Variants in BCL2L1 observed in about 807,000 individuals in gnomAD.
The protein encoded by BCL2L1 is bcl-2-like protein 1.
A neutral mutation model predicts 18.7 loss-of-function variants in BCL2L1; 1 was observed. The observed-to-expected ratio is 0.05, with a 90% confidence interval of 0.02 to 0.25. BCL2L1 has a LOEUF of 0.25. Among genes scored for constraint, BCL2L1 ranks in the 10% least tolerant of loss-of-function variants. BCL2L1 has a pLI of 1.00. For synonymous variants in BCL2L1, 103 were observed against 122.7 expected (o/e 0.84, Z 1.06); for missense variants, 207 against 304.9 (o/e 0.68, Z 2.39).
intron 2 of BCL2L1, among the ~76,000 whole-genome samples, chr20:31,674,747 C>G (rs914404116): frequency 1.3e-5 from 2 of 151,810 alleles, no homozygotes; most frequent in African/African-American, 4.8e-5. Flanking sequence ...TGTTGGCATG[C>G]ACCTATAGTC....
chr20:31,702,133 C>A (rs76192256), intron 2 of BCL2L1, among the ~76,000 whole-genome samples: 1 of 152,156 alleles, frequency 6.6e-6, no homozygotes, highest in African/African-American at 2.4e-5. Flanking sequence ...GCAAGCTGAA[C>A]CAAATGTAGG....
At position 31,708,149 on chromosome 20, in the gene BCL2L1, G is replaced by A. The variant is rs549328428; in HGVS notation, c.564+13506C>T. ...CTCAATCTATCCTTAGGGCAACAAG[G>A]GTCTGGCCCTCTTTGTTGACCCTCA... is the stretch of plus-strand genomic sequence containing the variant. On this transcript the variant is annotated intron_variant, in intron 2 of 2. Coordinates refer to ENST00000307677, the MANE Select transcript of BCL2L1 (RefSeq NM_138578.3). Among the ~76,000 whole-genome samples, 6 of 152,282 alleles carry A rather than the reference G, an allele frequency of 3.9e-5. No homozygotes were observed. The South Asian group carries it at 8.3e-4, about 21-fold the overall frequency.
At chr20:31,688,732 G>T (rs1324899702) in intron 2 of BCL2L1, among the ~76,000 whole-genome samples, 2 of 152,120 alleles carry the variant, frequency 1.3e-5, no homozygotes, top group Non-Finnish European at 2.9e-5. Flanking sequence ...TATTCATTGA[G>T]TGTCACTATT....
At chr20:31,689,045 T>C (rs953463073) in intron 2 of BCL2L1, among the ~76,000 whole-genome samples, 3 of 151,426 alleles carry the variant, frequency 2.0e-5, no homozygotes, top group Admixed American at 6.6e-5. Flanking sequence ...CTGGGTTAAG[T>C]CTGTCCAGGT....
At chr20:31,718,835 A>T (rs1218736909) in intron 2 of BCL2L1, among the ~76,000 whole-genome samples, 1 of 152,210 alleles carries the variant, frequency 6.6e-6, no homozygotes, top group Admixed American at 6.5e-5. Context: ...AAAGCCAGTT[A>T]TCAGTCCAGA....
chr20:31,670,618 T>G (rs1002920188), intron 2 of BCL2L1, among the ~76,000 whole-genome samples: 14 of 152,212 alleles, frequency 9.2e-5, no homozygotes, highest in African/African-American at 3.4e-4. Context: ...TCATTTCACC[T>G]GCCCCAGCTT....
intron 2 of BCL2L1, among the ~76,000 whole-genome samples, chr20:31,687,531 G>C (rs2060979792): frequency 6.6e-6 from 1 of 151,848 alleles, no homozygotes; most frequent in Admixed American, 6.6e-5. Context: ...AAAAAAAATA[G>C]CCGGGTGTGG....
At chr20:31,722,425 G>A (rs1479651462) in intron 1 of BCL2L1, 77 bp from the exon 2 acceptor site, 1 of 419,030 alleles carries the variant, frequency 2.4e-6, no homozygotes, top group Non-Finnish European at 4.2e-6. Flanking sequence ...ACCAGAACTG[G>A]TTTCTTTGTG....
intron 2 of BCL2L1, among the ~76,000 whole-genome samples, chr20:31,688,461 GAAAGAAAAGAA>G (rs1234604892): frequency 1.4e-5 from 2 of 140,058 alleles, no homozygotes; most frequent in African/African-American, 2.7e-5. Flanking sequence ...AAAAAAAAAA[GAAAGAAAAGAA>G]AAAGAAAAGA....
intron 2 of BCL2L1, among the ~76,000 whole-genome samples, chr20:31,714,166 T>C (rs2061492122): frequency 6.6e-6 from 1 of 152,186 alleles, no homozygotes; most frequent in South Asian, 2.1e-4. Context: ...ATGTGAAATA[T>C]GCTGTAATGG....
intron 2 of BCL2L1, among the ~76,000 whole-genome samples, chr20:31,670,717 G>C (rs935132173): frequency 6.6e-6 from 1 of 152,178 alleles, no homozygotes; most frequent in Non-Finnish European, 1.5e-5. Context: ...AAGGGGTGTG[G>C]ATTCTAAGGA....
At chr20:31,666,851 C>T (rs1359994756) in intron 2 of BCL2L1, among the ~76,000 whole-genome samples, 2 of 152,126 alleles carry the variant, frequency 1.3e-5, no homozygotes, top group African/African-American at 2.4e-5. Context: ...CAGCCCTCTG[C>T]CCTGAATCTA....
chr20:31,689,290 G>GGGGAA (rs1205675458), intron 2 of BCL2L1, among the ~76,000 whole-genome samples: 2 of 101,980 alleles, frequency 2.0e-5, no homozygotes, highest in Admixed American at 1.0e-4. Flanking sequence ...GGGGAGGGGA[G>GGGGAA]GGAAGGAAGA....
chr20:31,721,122 A>G (rs1460996190), intron 2 of BCL2L1, among the ~76,000 whole-genome samples: 1 of 152,204 alleles, frequency 6.6e-6, no homozygotes, highest in African/African-American at 2.4e-5. Context: ...GCCTATGGCC[A>G]TGCCCTAGTC....
chr20:31,666,168 T>C, intron 2 of BCL2L1, 82 bp from the exon 3 acceptor site: 3 of 1,513,538 alleles, frequency 2.0e-6, no homozygotes, highest in Non-Finnish European at 2.7e-6. Context: ...ATCTGCATGC[T>C]ATGGCCTTGG....
At chr20:31,723,327 G>A (rs2061667045), upstream of BCL2L1, 1 of 985,634 alleles carries the variant, frequency 1.0e-6, no homozygotes, top group Non-Finnish European at 1.2e-6. Context: ...CTGGGTGAGG[G>A]TGAGGCGCTG....
intron 2 of BCL2L1, among the ~76,000 whole-genome samples, chr20:31,698,645 T>C (rs1428972730): frequency 6.6e-6 from 1 of 152,056 alleles, no homozygotes; most frequent in East Asian, 1.9e-4. Context: ...CTCAAGTGTT[T>C]CTCCCATCTC....
intron 2 of BCL2L1, chr20:31,713,617 A>G (rs1358130671): frequency 1.0e-6 from 1 of 982,038 alleles, no homozygotes; most frequent in African/African-American, 1.7e-5. Context: ...TCAGGGATGA[A>G]ACCAAATAGC....
chr20:31,666,223 A>G (rs903637824), intron 2 of BCL2L1, 137 bp from the exon 3 acceptor site: 33 of 1,096,268 alleles, frequency 3.0e-5, no homozygotes, highest in Non-Finnish European at 2.7e-6. Context: ...TGGGCCAGGT[A>G]AAGGGCTAAG....
Sources: allele counts gnomAD v4.1 joint callset (sites outside exome capture counted in the v4.1 genomes callset), GRCh38; gene constraint gnomAD v4.1.1; transcripts MANE v1.5; gene names NCBI Gene and HGNC (gene_info 2026-07-23, HGNC 2026-07-21).